Variants in RBCK1 observed in about 807,000 individuals in gnomAD.
RBCK1 encodes the protein ranBP-type and C3HC4-type zinc finger-containing protein 1.
RBCK1 carries 44 observed loss-of-function variants against 71.1 expected under a neutral mutation model. The observed-to-expected ratio is 0.62, with a 90% CI of 0.49 to 0.80. The LOEUF (loss-of-function observed/expected upper bound fraction) is 0.80. RBCK1 is among the 30% of genes least tolerant of loss of function. The pLI, the probability that RBCK1 is intolerant of heterozygous loss-of-function variation, is 0.00. For synonymous variants in RBCK1, 306 were observed against 279.7 expected (o/e 1.09, Z -0.94); for missense variants, 569 against 685.0 (o/e 0.83, Z 1.89).
intron 2 of RBCK1, among the ~76,000 whole-genome samples, chr20:411,032 C>G (rs187509129): frequency 5.9e-5 from 9 of 152,260 alleles, no homozygotes; most frequent in Admixed American, 3.3e-4. Context: ...CATCTCTCTA[C>G]CTTTTCCCTA....
chr20:420,935 T>C lies in RBCK1; in HGVS notation c.821T>C (p.Val274Ala). ...QHVQLDQRSL[V>A]LNTEPAECPV... ...GTCCAGCTGGACCAGAGGAGCCTGGTGCTGAACACGGAGCCCGCCGAGTGC... is the reference window on the plus strand; with the variant it reads ...GTCCAGCTGGACCAGAGGAGCCTGGCGCTGAACACGGAGCCCGCCGAGTGC... The change falls in exon 7 of 12, where the codon GTG (valine) becomes GCG (alanine). Residue 274 changes from valine (V) to alanine (A), a missense_variant. Val to Ala is a moderately conservative substitution (Grantham distance 64, BLOSUM62 0). Coordinates refer to ENST00000356286, the MANE Select transcript of RBCK1 (RefSeq NM_031229.4). The C allele has an allele frequency of 6.4e-7, 1 of 1,554,730 alleles. No individual in the cohort carries two copies.
intron 8 of RBCK1, among the ~76,000 whole-genome samples, chr20:425,970 G>A (rs2016692470): frequency 6.6e-6 from 1 of 152,154 alleles, no homozygotes; most frequent in South Asian, 2.1e-4. Flanking sequence ...TAAAGAAGTG[G>A]GATGGGTACC....
rs561932073 is a variant in RBCK1, at chr20:419,575, C to T, written c.600C>T (p.Pro200=). The change falls in exon 6 of 12, where the codon CCC becomes CCT. Residue 200 remains proline, a synonymous_variant. Transcript: ENST00000356286. ...PEPPPVGWQC[P]GCTFINKPTR... ...GCTCCCAGGTGGGCTGGCAGTGCCC[C>T]GGGTGCACCTTCATCAACAAGCCCA... 14 of 1,605,236 alleles carry T rather than the reference C, an allele frequency of 8.7e-6. No individual in the cohort carries two copies. The African/African-American group carries it at 9.3e-5, about 11-fold the overall frequency.
chr20:417,772 G>A lies in RBCK1; in HGVS notation c.302G>A (p.Trp101Ter). The A allele has an allele frequency of 6.2e-7, 1 of 1,614,044 alleles. No homozygotes were observed. The highest frequency in any genetic ancestry group is 1.1e-5 in the South Asian group (1 of 91,072). Residue 101 changes from tryptophan to a stop codon, truncating the protein, a stop_gained, in exon 4 of 12, where the codon TGG (tryptophan) becomes TAG (stop). Coordinates refer to ENST00000356286, the MANE Select transcript of RBCK1 (RefSeq NM_031229.4). LOFTEE classifies it high-confidence loss of function. The surrounding 1 kb of genome is among the most constrained non-coding windows in gnomAD (Gnocchi z 4.7). Reference protein sequence around the residue: ...DYGFPPVLQQWVIGQRLARDQ... With the variant: ...DYGFPPVLQQ ...GGCTTCCCACCAGTCTTGCAGCAGTGGGTGATTGGGCAGCGGCTGGCACGA... is the reference window on the plus strand; with the variant it reads ...GGCTTCCCACCAGTCTTGCAGCAGTAGGTGATTGGGCAGCGGCTGGCACGA...
chr20:421,554 C>T (rs1252484159), intron 7 of RBCK1, among the ~76,000 whole-genome samples: 1 of 152,176 alleles, frequency 6.6e-6, no homozygotes, highest in African/African-American at 2.4e-5. Flanking sequence ...ATGCTACATA[C>T]AGTACATTAA....
chr20:418,859 A>G (rs1428154982), intron 4 of RBCK1, among the ~76,000 whole-genome samples: 1 of 152,226 alleles, frequency 6.6e-6, no homozygotes, highest in Non-Finnish European at 1.5e-5. Flanking sequence ...CTGATACAGT[A>G]CTGGTATCCA....
In RBCK1 at chr20:420,993, G is replaced by T; in HGVS notation, c.879G>T (p.Glu293Asp). 1 of 1,566,058 alleles carries T rather than the reference G, an allele frequency of 6.4e-7. No homozygotes were observed. The highest frequency in any genetic ancestry group is 8.6e-7 in the Non-Finnish European group (1 of 1,156,630). Residue 293 changes from glutamate to aspartate, a missense_variant, in exon 7 of 12, where the codon GAG (glutamate) becomes GAT (aspartate). By Grantham distance (45) the Glu-to-Asp change is conservative. This residue lies in a region of RBCK1 where 211 missense variants were observed against 309.4 expected (regional missense o/e 0.68). Coordinates refer to ENST00000356286, the MANE Select transcript of RBCK1 (RefSeq NM_031229.4). The part of the protein sequence containing the change: ...PVCYSVLAPG[E>D]AVVLRECLHT... Reference sequence around the variant, plus strand: ...GCTACTCGGTGCTGGCGCCCGGCGAGGCCGTGGTGCTGCGTGAGTGTCTGC... The same window carrying T: ...GCTACTCGGTGCTGGCGCCCGGCGATGCCGTGGTGCTGCGTGAGTGTCTGC...
rs766366513 is a variant in RBCK1, at chr20:428,574, G to A, written c.1293G>A (p.Thr431=). ...RAQNDVAARQ[T]TEMLKVMLQQ... ...AGAACGATGTGGCTGCCCGGCAGAC[G>A]ACAGAGATGCTGAAGGTGAGGCTGG... Residue 431 remains threonine (T), a synonymous_variant, in exon 10 of 12, where the codon ACG becomes ACA. Coordinates refer to ENST00000356286, the MANE Select transcript of RBCK1 (RefSeq NM_031229.4). The surrounding 1 kb of genome is among the most constrained non-coding windows in gnomAD (Gnocchi z 5.7). The A allele has an allele frequency of 2.6e-5, 42 of 1,611,254 alleles. No homozygotes were observed. The highest frequency in any genetic ancestry group is 1.3e-4 in the East Asian group (6 of 44,834).
Position 417,681 on chromosome 20 carries a change from C to G in RBCK1, c.262-51C>G. The G allele has an allele frequency of 6.2e-7, 1 of 1,604,360 alleles. No individual in the cohort carries two copies. Among genetic ancestry groups the G allele is most frequent in the Non-Finnish European group, 8.5e-7 (1 of 1,171,880 alleles). On this transcript the variant is annotated intron_variant, in intron 3 of 11. Transcript: ENST00000356286. This position sits in a 1 kb window ranked among gnomAD's most constrained non-coding sequence, Gnocchi z 4.7. Reference sequence around the variant, plus strand: ...GCTCTCCCTTTCACTCCTGCTTCCTCTCTCTCCTCTGGCCCTCCCTTCCCA... The same window carrying G: ...GCTCTCCCTTTCACTCCTGCTTCCTGTCTCTCCTCTGGCCCTCCCTTCCCA...
At chr20:420,790 G>A in intron 6 of RBCK1, 81 bp from the exon 7 acceptor site, 1 of 1,233,566 alleles carries the variant, frequency 8.1e-7, no homozygotes, top group Non-Finnish European at 1.1e-6. Context: ...CCCTGACCAC[G>A]CCCCCTGGCC....
intron 2 of RBCK1, among the ~76,000 whole-genome samples, chr20:415,486 G>C (rs1052231929): frequency 2.6e-5 from 4 of 152,130 alleles, no homozygotes. Flanking sequence ...TATTTCATTA[G>C]TGCTTTTTAC....
chr20:432,133 T>C lies in RBCK1; in HGVS notation c.*1703T>C, dbSNP rs987228496. The stretch of plus-strand genomic sequence containing the variant: ...TTAAAATCTAGATGCCCTGCTTCTC[T>C]TGAAAATGTCAAAGCTTGGTAATGC... On this transcript the variant is annotated 3_prime_UTR_variant, in exon 12 of 12. Transcript: ENST00000356286. This position sits in a 1 kb window ranked among gnomAD's most constrained non-coding sequence, Gnocchi z 4.3. Among the ~76,000 whole-genome samples, 7 of 152,216 alleles carry C rather than the reference T, an allele frequency of 4.6e-5. No homozygotes were observed. The highest frequency in any genetic ancestry group is 1.7e-4 in the African/African-American group (7 of 41,456).
intron 2 of RBCK1, among the ~76,000 whole-genome samples, chr20:415,938 G>A (rs1229677136): frequency 6.6e-6 from 1 of 152,140 alleles, no homozygotes; most frequent in South Asian, 2.1e-4. Context: ...TCACTATGGC[G>A]AGAAGTCACT....
chr20:429,468 C>A (rs2016910717), intron 11 of RBCK1, among the ~76,000 whole-genome samples: 1 of 152,152 alleles, frequency 6.6e-6, no homozygotes, highest in African/African-American at 2.4e-5. Flanking sequence ...GCAGGTGATC[C>A]ACCTGCCTCG....
chr20:420,054 T>C (rs1461385241), intron 6 of RBCK1: 2 of 969,966 alleles, frequency 2.1e-6, no homozygotes, highest in Non-Finnish European at 2.5e-6. Context: ...CCCAGCACCC[T>C]AGCCATGACC....
Position 428,900 on chromosome 20 carries a change from C to T in RBCK1, c.1309-51C>T. The T allele has an allele frequency of 1.3e-6, 2 of 1,554,806 alleles. No individual in the cohort carries two copies. Among genetic ancestry groups the T allele is most frequent in the Admixed American group, 1.8e-5 (1 of 54,366 alleles). ...CTCCCTGCCATGGGGAGGGGCCAGG[C>T]TGGGTGACTGCCCCAGCCCCGCCCC... On this transcript the variant is annotated intron_variant, in intron 10 of 11. Transcript: ENST00000356286. This position sits in a 1 kb window ranked among gnomAD's most constrained non-coding sequence, Gnocchi z 5.7.
In RBCK1 at chr20:431,205, G is replaced by T. The variant is rs1300766544; in HGVS notation, c.*775G>T. On this transcript the variant is annotated 3_prime_UTR_variant, in exon 12 of 12. Transcript: ENST00000356286. This position sits in a 1 kb window ranked among gnomAD's most constrained non-coding sequence, Gnocchi z 4.8. ...AGCCAGGACAGGTGGAGTGTGCAGT[G>T]TGTCAAGTCTGCAGAGAAGGATGGG... 6.6e-6 allele frequency among the ~76,000 whole-genome samples: 1 copy of T among 152,158 alleles called. No homozygotes were observed. The highest frequency in any genetic ancestry group is 1.5e-5 in the Non-Finnish European group (1 of 68,022).
chr20:423,255 C>T (rs940902491), intron 8 of RBCK1, among the ~76,000 whole-genome samples: 2 of 151,224 alleles, frequency 1.3e-5, no homozygotes, highest in South Asian at 4.2e-4. Flanking sequence ...ACTGAGATCG[C>T]GCCATTGCAC....
rs1298398972 is a variant in RBCK1 at position 431,323 on chromosome 20, A to G, written c.*893A>G. On this transcript the variant is annotated 3_prime_UTR_variant, in exon 12 of 12. Transcript: ENST00000356286. This position sits in a 1 kb window ranked among gnomAD's most constrained non-coding sequence, Gnocchi z 4.8. ...TGGCAGGTAGATAGTTCAAGAAGGA[A>G]CGAAGCTGCTGCAGTTGAGGGGTGG... Among the ~76,000 whole-genome samples the G allele has an allele frequency of 6.6e-6, 1 of 152,054 alleles. No individual in the cohort carries two copies. Among genetic ancestry groups the G allele is most frequent in the African/African-American group, 2.4e-5 (1 of 41,410 alleles).
Sources: gnomAD v4.1 joint callset for allele counts (sites outside exome capture counted in the v4.1 genomes callset) on GRCh38, gnomAD v4.1.1 for gene constraint, gnomAD v4.1.1 regional missense constraint, Gnocchi (gnomAD v3.1) non-coding constraint, MANE v1.5 for transcripts, NCBI Gene and HGNC (gene_info 2026-07-23, HGNC 2026-07-21) for gene names.